Variants in FCN1 observed in about 807,000 individuals in gnomAD.
The protein encoded by FCN1 is ficolin 1.
A neutral mutation model predicts 35.6 loss-of-function variants in FCN1; 42 were observed. That is an observed-to-expected ratio of 1.18 (90% CI 0.92 to 1.53). The LOEUF (loss-of-function observed/expected upper bound fraction) is 1.53. Ranked by LOEUF, FCN1 falls within the 40% of genes most tolerant of loss-of-function variation. The pLI, the probability that FCN1 is intolerant of heterozygous loss-of-function variation, is 0.00. For synonymous variants in FCN1, 179 were observed against 169.8 expected (o/e 1.05, Z -0.42); for missense variants, 439 against 428.4 (o/e 1.02, Z -0.22).
At position 134,908,114 on chromosome 9, in the gene FCN1, A is replaced by T. The variant is rs1011558804; in HGVS notation, c.*1684T>A. The stretch of plus-strand genomic sequence containing the variant: ...GACACTGGTGCTATCCATCTTTCTA[A>T]CTTCTGAGGCTCAGATGAGGGTGCC... On this transcript the variant is annotated 3_prime_UTR_variant, in exon 9 of 9. Coordinates refer to ENST00000371806, the MANE Select transcript of FCN1 (RefSeq NM_002003.5). The T allele has an allele frequency of 1.3e-5, 2 of 152,402 alleles. No homozygotes were observed. The highest frequency in any genetic ancestry group is 4.8e-5 in the African/African-American group (2 of 41,336). 9.4% of individuals were successfully genotyped at this position (152,402 alleles called of 1,614,324 possible).
Position 134,907,321 on chromosome 9 carries a change from T to C in FCN1, c.*2477A>G, listed in dbSNP as rs1218726632. The C allele has an allele frequency of 6.6e-6, 1 of 152,174 alleles. No homozygotes were observed. Among genetic ancestry groups the C allele is most frequent in the Non-Finnish European group, 1.5e-5 (1 of 68,030 alleles). The allele number at this position is 152,174 out of a possible 1,614,324, so 9.4% of individuals were successfully genotyped here. ...CTACAAGGACCTCTCCTTACAGGTATTGAGTCAAGAACACTGGGCATCAGT... is the reference window on the plus strand; with the variant it reads ...CTACAAGGACCTCTCCTTACAGGTACTGAGTCAAGAACACTGGGCATCAGT... On this transcript the variant is annotated 3_prime_UTR_variant, in exon 9 of 9. Transcript: ENST00000371806.
At position 134,909,367 on chromosome 9, in the gene FCN1, G is replaced by T. The variant is rs1281229047; in HGVS notation, c.*431C>A. On this transcript the variant is annotated 3_prime_UTR_variant, in exon 9 of 9. Coordinates refer to ENST00000371806, the MANE Select transcript of FCN1 (RefSeq NM_002003.5). ...GGCATGGGGGGATGGGGGAGGCTTG[G>T]GGGTGGAGGTGAGGATCGCCCTGTG... 7.8e-7 allele frequency: 1 copy of T among 1,289,974 alleles called. No individual in the cohort carries two copies. The highest frequency in any genetic ancestry group is 5.6e-5 in the East Asian group (1 of 18,006). The allele number at this position is 1,289,974 out of a possible 1,614,324, so 79.9% of individuals were successfully genotyped here.
At chr9:134,911,074 C>T (rs762639550) in intron 8 of FCN1, 59 bp downstream of exon 8, 247 of 1,587,388 alleles carry the variant, frequency 1.6e-4, no homozygotes, top group Non-Finnish European at 2.1e-4. Flanking sequence ...GGAGACAGAG[C>T]CAGGTTCTCT....
At chr9:134,910,147 C>T (rs771238991) in intron 8 of FCN1, 102 bp from the exon 9 acceptor site, 206 of 1,110,404 alleles carry the variant, frequency 1.9e-4, no homozygotes, top group Non-Finnish European at 2.3e-4. Context: ...CTCACTTTAG[C>T]GACGCATGAG....
In FCN1 at chr9:134,908,920, T is replaced by G; in HGVS notation, c.*878A>C. On this transcript the variant is annotated 3_prime_UTR_variant, in exon 9 of 9. Coordinates refer to ENST00000371806, the MANE Select transcript of FCN1 (RefSeq NM_002003.5). ...CCCTCTGGCCTTCCTTTGGTTCCCT[T>G]AGTGTCCTTCGGTAAGTGGGAGCTC... The G allele has an allele frequency of 3.8e-6, 1 of 259,858 alleles. No individual in the cohort carries two copies. Among genetic ancestry groups the G allele is most frequent in the Non-Finnish European group, 7.6e-6 (1 of 131,432 alleles). The allele number at this position is 259,858 out of a possible 1,614,324, so 16.1% of individuals were successfully genotyped here. A position where few individuals can be genotyped will look rare whatever the true frequency, so the allele number is the denominator to read the frequency against.
Position 134,917,831 on chromosome 9 carries a change from A to G in FCN1, c.41T>C (p.Val14Ala), listed in dbSNP as rs762956044. The G allele has an allele frequency of 8.1e-6, 13 of 1,613,892 alleles. No individual in the cohort carries two copies. The highest frequency in any genetic ancestry group is 1.7e-5 in the Admixed American group (1 of 59,996). The change falls in exon 1 of 9, where the codon GTC (valine) becomes GCC (alanine). Residue 14 changes from valine (V) to alanine (A), a missense_variant. Val to Ala is a moderately conservative substitution (Grantham distance 64). Coordinates refer to ENST00000371806, the MANE Select transcript of FCN1 (RefSeq NM_002003.5). ...GATATGCAGGAACAAGACTAGCAGG[A>G]CAGCGAGCCCCCGGGCCATGGTGGC... Reference protein sequence around the residue: ...SGATMARGLAVLLVLFLHIKN... With the variant: ...SGATMARGLAALLVLFLHIKN...
At chr9:134,911,430 C>T (rs562890701) in intron 7 of FCN1, among the ~76,000 whole-genome samples, 163 bp from the exon 8 acceptor site, 28 of 151,486 alleles carry the variant, frequency 1.8e-4, no homozygotes, top group African/African-American at 5.6e-4. Flanking sequence ...CTGCAACCTC[C>T]GCCTCCTGGG....
At chr9:134,917,252 G>A (rs1831103399) in intron 1 of FCN1, among the ~76,000 whole-genome samples, 1 of 152,134 alleles carries the variant, frequency 6.6e-6, no homozygotes, top group African/African-American at 2.4e-5. Context: ...GCCGTCCTTA[G>A]GAGCAGTCTC....
intron 5 of FCN1, 95 bp from the exon 6 acceptor site, chr9:134,913,238 A>C (rs576770127): frequency 6.6e-7 from 1 of 1,519,668 alleles, no homozygotes; most frequent in Non-Finnish European, 9.0e-7. Flanking sequence ...GGAGGGCCAC[A>C]GGCTTCTGTG....
intron 8 of FCN1, among the ~76,000 whole-genome samples, chr9:134,910,378 C>A (rs1276281572): frequency 1.6e-4 from 25 of 152,176 alleles, no homozygotes; most frequent in Non-Finnish European, 3.7e-4. Flanking sequence ...GGTCTCTCCC[C>A]ACGTCCCCTG....
intron 4 of FCN1, 34 bp downstream of exon 4, chr9:134,914,351 C>T: frequency 6.2e-7 from 1 of 1,606,416 alleles, no homozygotes; most frequent in Non-Finnish European, 8.5e-7. Context: ...ACAAAGCCTG[C>T]AGAGACAACT....
chr9:134,910,160 G>A (rs996603363), intron 8 of FCN1, 115 bp from the exon 9 acceptor site: 61 of 987,050 alleles, frequency 6.2e-5, no homozygotes, highest in Non-Finnish European at 8.5e-5. Flanking sequence ...CGCATGAGCC[G>A]AGCTACAGGT....
chr9:134,913,211 A>T, intron 5 of FCN1, 68 bp from the exon 6 acceptor site: 1 of 1,592,692 alleles, frequency 6.3e-7, no homozygotes, highest in Non-Finnish European at 8.6e-7. Context: ...AGTGGGAGGG[A>T]GGCCCAGGAG....
intron 7 of FCN1, 60 bp from the exon 8 acceptor site, chr9:134,911,327 G>A: frequency 6.7e-7 from 1 of 1,484,320 alleles, no homozygotes; most frequent in South Asian, 1.2e-5. Context: ...CAGGCATGAG[G>A]GCTGGGGATG....
intron 1 of FCN1, 58 bp downstream of exon 1, chr9:134,917,711 G>A: frequency 1.8e-6 from 2 of 1,101,184 alleles, no homozygotes; most frequent in Admixed American, 1.7e-5. Context: ...ACACCCGAGT[G>A]TCAGTGAGTG....
chr9:134,914,777 C>T lies in FCN1; in HGVS notation c.250G>A (p.Ala84Thr), dbSNP rs746717210. 2 of 1,612,938 alleles carry T rather than the reference C, an allele frequency of 1.2e-6. No homozygotes were observed. Among genetic ancestry groups the T allele is most frequent in the Non-Finnish European group, 1.7e-6 (2 of 1,179,372 alleles). The change falls in exon 3 of 9, where the codon GCA becomes ACA. Residue 84 changes from alanine (A) to threonine (T), a missense_variant. By Grantham distance (58) the Ala-to-Thr change is moderately conservative. Coordinates refer to ENST00000371806, the MANE Select transcript of FCN1 (RefSeq NM_002003.5). ...ERGLPGAPGKAGPVGPKGDRG... is the reference protein window; with the variant it reads ...ERGLPGAPGKTGPVGPKGDRG... ...TTACCTTTGGGCCCCACTGGTCCTG[C>T]CTTTCCAGGGGCTCCAGGGAGACCG...
Position 134,909,644 on chromosome 9 carries a change from G to C in FCN1, c.*154C>G, listed in dbSNP as rs745693633. ...TAATTCTCCCTCTGGTGAGGTTGTG[G>C]GCATGTGGCGGCTTGACTGAGCTGG... On this transcript the variant is annotated 3_prime_UTR_variant, in exon 9 of 9. Transcript: ENST00000371806. 1 of 1,589,912 alleles carries C rather than the reference G, an allele frequency of 6.3e-7. No individual in the cohort carries two copies. Among genetic ancestry groups the C allele is most frequent in the African/African-American group, 1.3e-5 (1 of 74,756 alleles).
chr9:134,909,254 AGTTCCTACTAAACTTTCCCCCTTT>A lies in FCN1; in HGVS notation c.*520_*543del. The A allele has an allele frequency of 7.8e-7, 1 of 1,289,706 alleles. No individual in the cohort carries two copies. The highest frequency in any genetic ancestry group is 1.0e-6 in the Non-Finnish European group (1 of 988,868). The allele number at this position is 1,289,706 out of a possible 1,614,324, so 79.9% of individuals were successfully genotyped here. A position where few individuals can be genotyped will look rare whatever the true frequency, so the allele number is the denominator to read the frequency against. ...ACTCTGCCGTGGTGGGAAGCAGAAA[AGTTCCTACTAAACTTTCCCCCTTT>A]TTAGTAAGTGTTTTCTGGACCCCAA... On this transcript the variant is annotated 3_prime_UTR_variant, in exon 9 of 9. Transcript: ENST00000371806.
intron 2 of FCN1, among the ~76,000 whole-genome samples, chr9:134,915,794 C>T (rs1238376222): frequency 6.6e-6 from 1 of 152,164 alleles, no homozygotes; most frequent in African/African-American, 2.4e-5. Context: ...TTAGGGGGAC[C>T]CAAAACCACC....
Sources: gnomAD v4.1 joint callset for allele counts (sites outside exome capture counted in the v4.1 genomes callset) on GRCh38, gnomAD v4.1.1 for gene constraint, MANE v1.5 for transcripts, NCBI Gene and HGNC (gene_info 2026-07-23, HGNC 2026-07-21) for gene names.